The following LRRC28 variants were observed in gnomAD, a reference collection of about 807,000 sequenced individuals.
LRRC28 encodes leucine rich repeat containing 28.
In LRRC28, 39 loss-of-function variants were observed where a neutral mutation model predicts 45.7. The observed-to-expected ratio is 0.85, with a 90% confidence interval of 0.66 to 1.12. The LOEUF is 1.12. Ranked by LOEUF, LRRC28 falls within the 50% of genes most tolerant of loss-of-function variation. The pLI is 0.00. For missense variants in LRRC28, 435 were observed against 438.5 expected (o/e 0.99, Z 0.07); for synonymous variants, 206 against 178.8 (o/e 1.15, Z -1.22).
At chr15:99,283,382 G>T (rs2081863311) in intron 3 of LRRC28, among the ~76,000 whole-genome samples, 1 of 150,474 alleles carries the variant, frequency 6.6e-6, no homozygotes, top group Admixed American at 6.6e-5. Flanking sequence ...GGGAGGCCGA[G>T]GTGGGTGGAT....
intron 6 of LRRC28, chr15:99,338,172 C>G (rs1956388533): frequency 6.6e-6 from 1 of 152,166 alleles, no homozygotes; most frequent in Non-Finnish European, 1.5e-5. Context: ...GCCACAGTCT[C>G]CTCAGTCTTG....
At chr15:99,288,027 G>A (rs2082005551) in intron 5 of LRRC28, 76 bp downstream of exon 5, 19 of 1,351,064 alleles carry the variant, frequency 1.4e-5, no homozygotes, top group Non-Finnish European at 1.2e-5. Context: ...TCTATGTCTA[G>A]GCAATGAGCT....
chr15:99,375,002 GT>G (rs1279511177), intron 9 of LRRC28, among the ~76,000 whole-genome samples: 2 of 152,096 alleles, frequency 1.3e-5, no homozygotes, highest in Non-Finnish European at 2.9e-5. Flanking sequence ...AACACTCAGT[GT>G]TTCACTGTTA....
intron 6 of LRRC28, among the ~76,000 whole-genome samples, chr15:99,339,279 G>A (rs12442505): frequency 0.098 from 14,973 of 152,166 alleles, 1,026 homozygotes; most frequent in East Asian, 0.33. Context: ...ATTGTGTTCC[G>A]TTCACAAATT....
Position 99,370,166 on chromosome 15 carries a change from A to G in LRRC28, c.1031+6901A>G, listed in dbSNP as rs145931678. ...TAGCAGAGCTGGGATTTGAACCCCAATAGTCTGGCTCCAAATCTGTGTTTT... is the reference window on the plus strand; with the variant it reads ...TAGCAGAGCTGGGATTTGAACCCCAGTAGTCTGGCTCCAAATCTGTGTTTT... On this transcript the variant is annotated intron_variant, in intron 9 of 9. Transcript: ENST00000301981. Among the ~76,000 whole-genome samples the G allele has an allele frequency of 8.0e-3, 1,217 of 152,370 alleles. 17 individuals carry two copies. Among genetic ancestry groups the G allele is most frequent in the African/African-American group, 0.028 (1,154 of 41,586 alleles).
intron 7 of LRRC28, among the ~76,000 whole-genome samples, chr15:99,358,826 C>G (rs1407149261): frequency 5.9e-5 from 9 of 151,976 alleles, no homozygotes; most frequent in Non-Finnish European, 1.2e-4. Context: ...ACCTGTAATC[C>G]CAGCACTTTG....
At chr15:99,348,735 GT>G (rs142559464) in intron 6 of LRRC28, among the ~76,000 whole-genome samples, 39 of 147,702 alleles carry the variant, frequency 2.6e-4, no homozygotes, top group African/African-American at 6.9e-4. Context: ...GGCTATTTGG[GT>G]TTTTTTTGTT....
chr15:99,310,804 T>C (rs75961392), intron 5 of LRRC28, among the ~76,000 whole-genome samples: 21,734 of 152,242 alleles, frequency 0.14, 1,598 homozygotes, highest in Non-Finnish European at 0.16. Context: ...TATACTCTTC[T>C]GTAAGGTGTT....
intron 6 of LRRC28, among the ~76,000 whole-genome samples, chr15:99,336,842 C>T (rs1956340984): frequency 6.6e-6 from 1 of 152,170 alleles, no homozygotes; most frequent in Non-Finnish European, 1.5e-5. Flanking sequence ...GAGGTGTGCT[C>T]CTAATAACTT....
intron 5 of LRRC28, among the ~76,000 whole-genome samples, chr15:99,309,288 G>A (rs943402057): frequency 3.9e-5 from 6 of 152,216 alleles, no homozygotes; most frequent in Admixed American, 1.3e-4. Flanking sequence ...TCAAAAAACA[G>A]AGTGACCCTC....
rs1379851489 is a variant in LRRC28, at chr15:99,389,346, T to G, written c.*3244T>G. 1 of 152,226 alleles carries G rather than the reference T, an allele frequency of 6.6e-6. No individual in the cohort carries two copies. Among genetic ancestry groups the G allele is most frequent in the East Asian group, 1.9e-4 (1 of 5,196 alleles). The allele number at this position is 152,226 out of a possible 1,614,324, so 9.4% of individuals were successfully genotyped here. A position where few individuals can be genotyped will look rare whatever the true frequency, so the allele number is the denominator to read the frequency against. On this transcript the variant is annotated 3_prime_UTR_variant, in exon 10 of 10. Transcript: ENST00000301981. The stretch of plus-strand genomic sequence containing the variant: ...GGCTTATGAGGCTCTGCATATAATT[T>G]TCTCTAAAATATGTAACTATTTTGT...
Position 99,363,142 on chromosome 15 carries a change from G to A in LRRC28, c.908G>A (p.Ser303Asn). ...NFLSPISLPR[S>N]LLELLHCPLG... is the part of the protein sequence containing the mutation. The stretch of plus-strand genomic sequence containing the variant: ...CTGTCTCCAATCTCATTACCCAGAA[G>A]TCTCCTAGAGCTGCTGCACTGCCCT... Residue 303 changes from serine (S) to asparagine (N), a missense_variant, in exon 9 of 10, where the codon AGT becomes AAT. Transcript: ENST00000301981. 6.2e-7 allele frequency: 1 copy of A among 1,613,368 alleles called. No homozygotes were observed. Among genetic ancestry groups the A allele is most frequent in the South Asian group, 1.1e-5 (1 of 91,000 alleles).
intron 8 of LRRC28, 89 bp from the exon 9 acceptor site, chr15:99,363,017 A>C: frequency 7.2e-7 from 1 of 1,395,256 alleles, no homozygotes; most frequent in Non-Finnish European, 9.7e-7. Flanking sequence ...TAAGTAACTG[A>C]ACTTATTTGG....
At chr15:99,258,039 A>T in intron 2 of LRRC28, 1 of 1,229,994 alleles carries the variant, frequency 8.1e-7, no homozygotes. Flanking sequence ...AAGTGTGATA[A>T]GGTGAAGAAC....
At chr15:99,271,964 C>G (rs185637528) in intron 2 of LRRC28, among the ~76,000 whole-genome samples, 1 of 152,300 alleles carries the variant, frequency 6.6e-6, no homozygotes, top group Admixed American at 6.5e-5. Flanking sequence ...ATTGCCAAAT[C>G]TAAGATTATG....
intron 5 of LRRC28, among the ~76,000 whole-genome samples, chr15:99,322,136 A>G (rs1955819793): frequency 6.6e-6 from 1 of 152,196 alleles, no homozygotes; most frequent in Non-Finnish European, 1.5e-5. Context: ...AGGAAGGACA[A>G]GGTAATTAGA....
At chr15:99,339,469 G>A (rs924153015) in intron 6 of LRRC28, among the ~76,000 whole-genome samples, 8 of 152,210 alleles carry the variant, frequency 5.3e-5, no homozygotes, top group Non-Finnish European at 1.0e-4. Flanking sequence ...CGTGGCTCAC[G>A]CCTGTAATCC....
intron 5 of LRRC28, among the ~76,000 whole-genome samples, chr15:99,307,005 C>A (rs2136629): frequency 6.6e-6 from 1 of 152,132 alleles, no homozygotes; most frequent in South Asian, 2.1e-4. Context: ...CAAGCCATTA[C>A]GTGTTTCTTC....
In LRRC28 at chr15:99,276,580, A is replaced by C; in HGVS notation, c.173A>C (p.Glu58Ala). Residue 58 changes from glutamate (E) to alanine (A), a missense_variant, in exon 3 of 10, where the codon GAA becomes GCA. Physicochemically the swap from Glu to Ala is moderately radical, Grantham distance 107. Coordinates refer to ENST00000301981, the MANE Select transcript of LRRC28 (RefSeq NM_144598.5). ...MKRNSLTSLP[E>A]NLAQKLPNLV... ...TTCTGAGTTTTTAATTTTCAGCCAG[A>C]AAACCTTGCTCAGAAGCTTCCAAAC... is the stretch of plus-strand genomic sequence containing the variant. The C allele has an allele frequency of 6.5e-7, 1 of 1,534,774 alleles. No individual in the cohort carries two copies. Among genetic ancestry groups the C allele is most frequent in the East Asian group, 2.4e-5 (1 of 41,412 alleles).
Sources: gnomAD v4.1 joint callset for allele counts (sites outside exome capture counted in the v4.1 genomes callset) on GRCh38, gnomAD v4.1.1 for gene constraint, MANE v1.5 for transcripts, NCBI Gene and HGNC (gene_info 2026-07-23, HGNC 2026-07-21) for gene names.